Variants in STK32A observed in about 807,000 individuals in gnomAD.
STK32A encodes serine/threonine kinase 32A, also known as serine/threonine-protein kinase 32A.
STK32A carries 41 observed loss-of-function variants against 53.2 expected under a neutral mutation model. The observed-to-expected ratio is 0.77, with a 90% CI of 0.60 to 1.00. The LOEUF (loss-of-function observed/expected upper bound fraction) is 1.00. Among genes scored for constraint, STK32A ranks in the 50% least tolerant of loss-of-function variants. STK32A has a pLI of 0.00. For synonymous variants in STK32A, 166 were observed against 162.8 expected (o/e 1.02, Z -0.15); for missense variants, 458 against 485.8 (o/e 0.94, Z 0.54).
chr5:147,278,639 TG>T (rs1433326060), intron 3 of STK32A, among the ~76,000 whole-genome samples: 1 of 152,234 alleles, frequency 6.6e-6, no homozygotes, highest in Non-Finnish European at 1.5e-5. Flanking sequence ...TAATTTTTTT[TG>T]CAAGAAACTT....
chr5:147,370,563 T>C (rs1319856488), intron 8 of STK32A, 91 bp from the exon 9 acceptor site: 1 of 744,484 alleles, frequency 1.3e-6, no homozygotes, highest in Non-Finnish European at 2.2e-6. Flanking sequence ...AGATATTTTA[T>C]CGGTTGAAAG....
intron 2 of STK32A, among the ~76,000 whole-genome samples, chr5:147,271,583 G>A (rs1197108223): frequency 2.0e-5 from 3 of 152,132 alleles, no homozygotes; most frequent in African/African-American, 4.8e-5. Flanking sequence ...GAGAAATATC[G>A]CTGAATTCTT....
intron 6 of STK32A, among the ~76,000 whole-genome samples, chr5:147,349,744 T>C (rs568048748): frequency 1.3e-5 from 2 of 152,256 alleles, no homozygotes; most frequent in Admixed American, 1.3e-4. Flanking sequence ...TACTATGTGT[T>C]AGAGGCTGAG....
intron 5 of STK32A, among the ~76,000 whole-genome samples, chr5:147,335,841 G>A (rs60965024): frequency 0.04 from 6,035 of 152,344 alleles, 401 homozygotes; most frequent in African/African-American, 0.14. Context: ...GCGCGCATGT[G>A]TGCATGAATG....
intron 6 of STK32A, among the ~76,000 whole-genome samples, chr5:147,344,751 A>G (rs997975883): frequency 2.0e-5 from 3 of 152,226 alleles, no homozygotes; most frequent in Non-Finnish European, 4.4e-5. Context: ...GTTAGGATTG[A>G]GTCCTCACTT....
chr5:147,383,428 G>A lies in STK32A; in HGVS notation c.1033-13G>A, dbSNP rs754592832. 26 of 1,585,004 alleles carry A rather than the reference G, an allele frequency of 1.6e-5. No homozygotes were observed. The highest frequency in any genetic ancestry group is 1.7e-4 in the Middle Eastern group (1 of 6,014). On this transcript the variant is annotated splice_polypyrimidine_tract_variant and intron_variant, in intron 11 of 12. Transcript: ENST00000397936. ...AACTATACCTCTATTTTTTTTCTAC[G>A]TTCACCTGGAAGACATGTCTTCTTC... is the stretch of plus-strand genomic sequence containing the variant.
the STK32A span, among the ~76,000 whole-genome samples, chr5:147,398,731 C>T: frequency 0.25 from 38,395 of 152,062 alleles, 5,172 homozygotes; most frequent in East Asian, 0.54. Context: ...TGGCTAAGAC[C>T]AGTGCCATGT....
chr5:147,292,060 C>T (rs886365676), intron 4 of STK32A, among the ~76,000 whole-genome samples: 1 of 152,162 alleles, frequency 6.6e-6, no homozygotes, highest in African/African-American at 2.4e-5. Context: ...GTGAATTTCT[C>T]CCTTCTTCAG....
chr5:147,401,437 C>T, the STK32A span: 41 of 1,344,186 alleles, frequency 3.1e-5, no homozygotes, highest in Middle Eastern at 4.3e-4. Context: ...ACACTGCAGA[C>T]TCTGGTCAAG....
At chr5:147,351,223 T>C in intron 7 of STK32A, 69 bp downstream of exon 7, 1 of 1,344,988 alleles carries the variant, frequency 7.4e-7, no homozygotes, top group South Asian at 1.2e-5. Context: ...TGGAATCATC[T>C]GTGGGGATTT....
intron 2 of STK32A, among the ~76,000 whole-genome samples, chr5:147,268,851 G>C (rs116273297): frequency 6.6e-6 from 1 of 152,186 alleles, no homozygotes; most frequent in Admixed American, 6.5e-5. Flanking sequence ...GTGAGAGAGG[G>C]TCTGTGAAAA....
intron 11 of STK32A, among the ~76,000 whole-genome samples, chr5:147,382,640 A>C (rs1455399335): frequency 6.6e-6 from 1 of 152,082 alleles, no homozygotes; most frequent in Non-Finnish European, 1.5e-5. Context: ...AGCTGTCTCC[A>C]TGCCAAGGAT....
chr5:147,350,626 C>T (rs1298932312), intron 6 of STK32A, among the ~76,000 whole-genome samples: 1 of 152,116 alleles, frequency 6.6e-6, no homozygotes, highest in Non-Finnish European at 1.5e-5. Flanking sequence ...CCTCAGCCTT[C>T]CAAAGTGCTA....
At chr5:147,324,665 T>A (rs1315487955) in intron 5 of STK32A, among the ~76,000 whole-genome samples, 1 of 152,210 alleles carries the variant, frequency 6.6e-6, no homozygotes, top group Non-Finnish European at 1.5e-5. Flanking sequence ...ATTTGTAGTT[T>A]CAATGATGAT....
chr5:147,260,219 C>G lies in STK32A; in HGVS notation c.53-17905C>G, dbSNP rs139408458. Among the ~76,000 whole-genome samples, 84 of 71,716 alleles carry G rather than the reference C, an allele frequency of 1.2e-3. 1 individual carries two copies. The highest frequency in any genetic ancestry group is 3.5e-3 in the African/African-American group (79 of 22,762). 47.0% of individuals were successfully genotyped at this position (71,716 alleles called of 152,430 possible). A position where few individuals can be genotyped will look rare whatever the true frequency, so the allele number is the denominator to read the frequency against. On this transcript the variant is annotated intron_variant, in intron 2 of 12. Coordinates refer to ENST00000397936, the MANE Select transcript of STK32A (RefSeq NM_001112724.2). ...TCTCTCTCCTCTCTCTCTCCTCTCT[C>G]TCTCTCTCCTCTCTGTCTCTGTCTC...
chr5:147,389,833 T>G (rs1463207039), downstream of STK32A, among the ~76,000 whole-genome samples: 1 of 152,088 alleles, frequency 6.6e-6, no homozygotes, highest in Non-Finnish European at 1.5e-5. Context: ...ATGGTGCCAC[T>G]GCACTCCAGC....
At position 147,333,299 on chromosome 5, in the gene STK32A, G is replaced by C. The variant is rs143587247; in HGVS notation, c.434+9228G>C. On this transcript the variant is annotated intron_variant, in intron 5 of 12. Coordinates refer to ENST00000397936, the MANE Select transcript of STK32A (RefSeq NM_001112724.2). Reference sequence around the variant, plus strand: ...TGGGTTTATCAGGGCGTAACCCATTGCAAGTTGGGAGCATCTGTACGATGG... The same window carrying C: ...TGGGTTTATCAGGGCGTAACCCATTCCAAGTTGGGAGCATCTGTACGATGG... Among the ~76,000 whole-genome samples, 203 of 152,268 alleles carry C rather than the reference G, an allele frequency of 1.3e-3. 1 individual carries two copies. The highest frequency in any genetic ancestry group is 2.6e-3 in the Admixed American group (39 of 15,284).
chr5:147,246,906 A>G (rs72822039), intron 2 of STK32A, among the ~76,000 whole-genome samples: 6,188 of 152,274 alleles, frequency 0.041, 178 homozygotes, highest in Middle Eastern at 0.092. Flanking sequence ...GATTTGATGA[A>G]AATTCATTGC....
At chr5:147,341,227 T>C (rs1012945713) in intron 5 of STK32A, among the ~76,000 whole-genome samples, 25 of 152,294 alleles carry the variant, frequency 1.6e-4, no homozygotes, top group East Asian at 1.9e-4. Flanking sequence ...CTGATACTCA[T>C]TGGATGCAGA....
Sources: allele counts gnomAD v4.1 joint callset (sites outside exome capture counted in the v4.1 genomes callset), GRCh38; gene constraint gnomAD v4.1.1; transcripts MANE v1.5; gene names NCBI Gene and HGNC (gene_info 2026-07-23, HGNC 2026-07-21).